The following LRRTM4 variants were observed in gnomAD, a reference collection of about 807,000 sequenced individuals.
LRRTM4 encodes leucine rich repeat transmembrane neuronal 4.
LRRTM4 carries 25 observed loss-of-function variants against 47.6 expected under a neutral mutation model. The ratio of observed to expected loss-of-function variants is 0.53; its 90% confidence interval spans 0.38 to 0.73. The LOEUF is 0.73. Among genes scored for constraint, LRRTM4 ranks in the 30% least tolerant of loss-of-function variants. LRRTM4 has a pLI of 0.00. For synonymous variants in LRRTM4, 311 were observed against 269.5 expected (o/e 1.15, Z -1.51); for missense variants, 638 against 713.4 (o/e 0.89, Z 1.20).
intron 3 of LRRTM4, among the ~76,000 whole-genome samples, chr2:77,420,725 T>A (rs1468555273): frequency 6.7e-6 from 1 of 148,416 alleles, no homozygotes; most frequent in African/African-American, 2.5e-5. Context: ...GAATATAATC[T>A]GGATGTTTGA....
At position 77,207,349 on chromosome 2, in the gene LRRTM4, G is replaced by GTATATATATATATA. The variant is rs1553409290; in HGVS notation, c.1551+310955_1551+310968dup. Reference sequence around the variant, plus strand: ...ATGTTTTTCCTAATTTCATATATGTGTATATATATATATATATATATATAC... The same window carrying GTATATATATATATA: ...ATGTTTTTCCTAATTTCATATATGTGTATATATATATATATATATATATATATATATATATATAC... On this transcript the variant is annotated intron_variant, in intron 3 of 3. Transcript: ENST00000409884. Among the ~76,000 whole-genome samples, 89 of 120,818 alleles carry GTATATATATATATA rather than the reference G, an allele frequency of 7.4e-4. 1 individual carries two copies. Among genetic ancestry groups the GTATATATATATATA allele is most frequent in the African/African-American group, 3.0e-3 (81 of 27,316 alleles). 79.3% of individuals were successfully genotyped at this position (120,818 alleles called of 152,430 possible). A position where few individuals can be genotyped will look rare whatever the true frequency, so the allele number is the denominator to read the frequency against.
chr2:76,785,737 A>C (rs1674637866), intron 3 of LRRTM4, among the ~76,000 whole-genome samples: 1 of 152,130 alleles, frequency 6.6e-6, no homozygotes, highest in South Asian at 2.1e-4. Flanking sequence ...GTGGAAAATA[A>C]AATTGATTTT....
intron 3 of LRRTM4, among the ~76,000 whole-genome samples, chr2:77,190,685 T>C (rs1673644084): frequency 6.6e-6 from 1 of 152,132 alleles, no homozygotes; most frequent in Non-Finnish European, 1.5e-5. Context: ...TCATTAAAAA[T>C]ATGGTTGACT....
intron 3 of LRRTM4, among the ~76,000 whole-genome samples, chr2:77,119,433 GA>G (rs1414031003): frequency 6.6e-6 from 1 of 151,788 alleles, no homozygotes; most frequent in African/African-American, 2.4e-5. Flanking sequence ...TGGGTGTTAA[GA>G]ATCTTTACTG....
chr2:77,419,492 C>T (rs759861436), intron 3 of LRRTM4, among the ~76,000 whole-genome samples: 9 of 152,046 alleles, frequency 5.9e-5, no homozygotes, highest in Middle Eastern at 3.2e-3. Context: ...TAATACTTAA[C>T]GCAATGTAAG....
intron 3 of LRRTM4, among the ~76,000 whole-genome samples, chr2:77,396,985 C>T (rs192353229): frequency 5.3e-5 from 8 of 151,932 alleles, no homozygotes; most frequent in Admixed American, 4.6e-4. Flanking sequence ...CAGCAAGACA[C>T]GATTAACAGA....
At chr2:77,426,870 G>A (rs1472386430) in intron 3 of LRRTM4, among the ~76,000 whole-genome samples, 1 of 151,740 alleles carries the variant, frequency 6.6e-6, no homozygotes, top group Non-Finnish European at 1.5e-5. Context: ...GGGAGAGAAA[G>A]AGAGATAAAG....
At position 76,748,759 on chromosome 2, in the gene LRRTM4, C is replaced by T. The variant is rs1223278417; in HGVS notation, c.1709G>A (p.Ser570Asn). The change falls in exon 4 of 4, where the codon AGC becomes AAC. Residue 570 changes from serine to asparagine, a missense_variant. Transcript: ENST00000409884. Reference sequence around the variant, plus strand: ...CGACCTGGCGATGGTGGCGATGAAGCTGTGGTCTCGGCCCAGCTCCAGGCC... The same window carrying T: ...CGACCTGGCGATGGTGGCGATGAAGTTGTGGTCTCGGCCCAGCTCCAGGCC... ...SPGLELGRDH[S>N]FIATIARSAA... The T allele has an allele frequency of 6.2e-7, 1 of 1,613,934 alleles. No individual in the cohort carries two copies. The highest frequency in any genetic ancestry group is 1.7e-5 in the Admixed American group (1 of 60,016).
chr2:77,507,370 A>G (rs1246695431), intron 3 of LRRTM4, among the ~76,000 whole-genome samples: 1 of 152,102 alleles, frequency 6.6e-6, no homozygotes, highest in Non-Finnish European at 1.5e-5. Context: ...TGGCCCAAAG[A>G]TTCCTTGTCA....
At chr2:77,189,975 A>G (rs1673621938) in intron 3 of LRRTM4, among the ~76,000 whole-genome samples, 2 of 152,140 alleles carry the variant, frequency 1.3e-5, no homozygotes. Context: ...AGTTTCAGAG[A>G]AATAGTTAAA....
intron 3 of LRRTM4, among the ~76,000 whole-genome samples, chr2:76,800,003 A>G (rs1252810274): frequency 6.6e-6 from 1 of 151,780 alleles, no homozygotes; most frequent in Non-Finnish European, 1.5e-5. Flanking sequence ...GGAAGAATCA[A>G]TATCGTGAAA....
At chr2:77,001,314 T>C (rs969132974) in intron 3 of LRRTM4, among the ~76,000 whole-genome samples, 1 of 152,136 alleles carries the variant, frequency 6.6e-6, no homozygotes, top group Non-Finnish European at 1.5e-5. Flanking sequence ...GGATTACACT[T>C]TTTTCTTGAA....
chr2:77,246,728 T>A (rs1002583892), intron 3 of LRRTM4, among the ~76,000 whole-genome samples: 2 of 152,000 alleles, frequency 1.3e-5, no homozygotes, highest in South Asian at 4.1e-4. Flanking sequence ...TCAATGTATA[T>A]ATGGATATAT....
chr2:76,898,676 G>C, intron 3 of LRRTM4, among the ~76,000 whole-genome samples: 1 of 149,562 alleles, frequency 6.7e-6, no homozygotes, highest in South Asian at 2.1e-4. Context: ...GCCATATAGA[G>C]TTTCCTGAGC....
chr2:76,836,395 A>C (rs1671514000), intron 3 of LRRTM4, among the ~76,000 whole-genome samples: 1 of 151,744 alleles, frequency 6.6e-6, no homozygotes, highest in Non-Finnish European at 1.5e-5. Flanking sequence ...TTCTTGTTTT[A>C]TTTTGATCAT....
intron 3 of LRRTM4, among the ~76,000 whole-genome samples, chr2:77,037,226 C>T (rs1446862793): frequency 1.3e-5 from 2 of 151,630 alleles, no homozygotes; most frequent in Non-Finnish European, 3.0e-5. Context: ...CTTCACGGAT[C>T]CTGGTTTTCC....
At chr2:77,423,095 A>AATTTTTT (rs1353812848) in intron 3 of LRRTM4, among the ~76,000 whole-genome samples, 1 of 152,082 alleles carries the variant, frequency 6.6e-6, no homozygotes, top group African/African-American at 2.4e-5. Context: ...TAGATTGAAA[A>AATTTTTT]ATTTTTTAGC....
At chr2:77,125,181 G>A (rs952450887) in intron 3 of LRRTM4, among the ~76,000 whole-genome samples, 1 of 152,152 alleles carries the variant, frequency 6.6e-6, no homozygotes, top group Non-Finnish European at 1.5e-5. Flanking sequence ...TGGAGTTCTA[G>A]CTGTCTTAGT....
chr2:77,103,973 T>G (rs1316725053), intron 3 of LRRTM4, among the ~76,000 whole-genome samples: 1 of 152,138 alleles, frequency 6.6e-6, no homozygotes, highest in Non-Finnish European at 1.5e-5. Context: ...GATTTCAAAC[T>G]CAATCATTCA....
Sources: allele counts gnomAD v4.1 joint callset (sites outside exome capture counted in the v4.1 genomes callset), GRCh38; gene constraint gnomAD v4.1.1; transcripts MANE v1.5; gene names NCBI Gene and HGNC (gene_info 2026-07-23, HGNC 2026-07-21).